The following ARFGEF1 variants were observed in gnomAD, a reference collection of about 807,000 sequenced individuals.
The protein encoded by ARFGEF1 is ARF guanine nucleotide exchange factor 1, also known as brefeldin A-inhibited guanine nucleotide-exchange protein 1.
A neutral mutation model predicts 231.0 loss-of-function variants in ARFGEF1; 42 were observed. That is an observed-to-expected ratio of 0.18 (90% confidence interval 0.14 to 0.24). The LOEUF (loss-of-function observed/expected upper bound fraction) is 0.24, where lower values mean the gene tolerates loss of function less well. Among genes scored for constraint, ARFGEF1 ranks in the 10% least tolerant of loss-of-function variants. ARFGEF1 has a pLI of 1.00. For missense variants in ARFGEF1, 1,345 were observed against 2,192.0 expected, an observed-to-expected ratio of 0.61 and a Z score of 7.72; for synonymous variants, 710 against 732.3, an observed-to-expected ratio of 0.97 and a Z score of 0.49.
intron 1 of ARFGEF1, among the ~76,000 whole-genome samples, chr8:67,336,390 A>T (rs937693710): frequency 2.6e-5 from 4 of 152,202 alleles, no homozygotes; most frequent in Non-Finnish European, 5.9e-5. Context: ...GTTAGGATAA[A>T]AGGGAACTTG....
intron 22 of ARFGEF1, among the ~76,000 whole-genome samples, chr8:67,237,756 G>C (rs980434490): frequency 1.3e-5 from 2 of 152,120 alleles, no homozygotes; most frequent in African/African-American, 4.8e-5. Flanking sequence ...AAATACAGAA[G>C]AATTCAAACC....
intron 7 of ARFGEF1, among the ~76,000 whole-genome samples, chr8:67,287,088 G>C (rs1329133323): frequency 5.3e-5 from 8 of 152,142 alleles, no homozygotes; most frequent in Admixed American, 3.9e-4. Context: ...CCTTAGAAAG[G>C]CCTACTTGCA....
At chr8:67,221,175 CAATT>C (rs1363605730) in intron 29 of ARFGEF1, among the ~76,000 whole-genome samples, 4 of 152,146 alleles carry the variant, frequency 2.6e-5, no homozygotes, top group African/African-American at 7.2e-5. Context: ...ATTATGTTAA[CAATT>C]AATGTATTTA....
chr8:67,291,556 C>T (rs1563893520), intron 6 of ARFGEF1, among the ~76,000 whole-genome samples: 1 of 151,960 alleles, frequency 6.6e-6, no homozygotes, highest in Admixed American at 6.6e-5. Context: ...TCCTATATAA[C>T]ATTTAACGGA....
At chr8:67,335,413 C>A (rs1808299832) in intron 1 of ARFGEF1, among the ~76,000 whole-genome samples, 2 of 151,902 alleles carry the variant, frequency 1.3e-5, no homozygotes, top group Non-Finnish European at 1.5e-5. Context: ...CCCCGTATCA[C>A]AGTAAATTTT....
At chr8:67,254,277 T>C (rs1316853690) in intron 17 of ARFGEF1, among the ~76,000 whole-genome samples, 3 of 152,202 alleles carry the variant, frequency 2.0e-5, no homozygotes, top group African/African-American at 4.8e-5. Context: ...GGAACTAGCA[T>C]AGCCAAAATG....
Position 67,267,370 on chromosome 8 carries a change from T to C in ARFGEF1, c.1645A>G (p.Ile549Val), listed in dbSNP as rs1804891289. The C allele has an allele frequency of 6.2e-7, 1 of 1,611,426 alleles. No homozygotes were observed. Among genetic ancestry groups the C allele is most frequent in the Non-Finnish European group, 8.5e-7 (1 of 1,179,038 alleles). ...GCACAAATCCTCGTCAGTGTCTGAATAACCATCCATTTGTGATCAAATGAG... is the reference window on the plus strand; with the variant it reads ...GCACAAATCCTCGTCAGTGTCTGAACAACCATCCATTTGTGATCAAATGAG... ...TSSFDHKWMV[I>V]QTLTRICADA... The change falls in exon 11 of 39, where the codon ATT (isoleucine) becomes GTT (valine). Residue 549 changes from isoleucine to valine, a missense_variant. This residue lies in a region of ARFGEF1 where 141 missense variants were observed against 259.9 expected (regional missense o/e 0.54). Transcript: ENST00000262215.
Position 67,200,511 on chromosome 8 carries a change from A to G in ARFGEF1, c.5270T>C (p.Val1757Ala), listed in dbSNP as rs1838288719. The G allele has an allele frequency of 6.4e-7, 1 of 1,565,264 alleles. No individual in the cohort carries two copies. Among genetic ancestry groups the G allele is most frequent in the Admixed American group, 1.7e-5 (1 of 59,560 alleles). The stretch of plus-strand genomic sequence containing the variant: ...GAAGTAACTTAGTGCTTCACTGCAG[A>G]CACTGCAAAAGAAAAGGTTTCCTTT... ...WEEVQQRLLN[V>A]CSEALSYFLT... Residue 1757 changes from valine (V) to alanine (A), a missense_variant and splice_region_variant, in exon 38 of 39, where the codon GTC (valine) becomes GCC (alanine). This residue lies in a region of ARFGEF1 where 161 missense variants were observed against 284.9 expected (regional missense o/e 0.57). Transcript: ENST00000262215.
At chr8:67,201,661 G>T in intron 36 of ARFGEF1, 56 bp from the exon 37 acceptor site, 1 of 1,605,460 alleles carries the variant, frequency 6.2e-7, no homozygotes, top group Non-Finnish European at 8.5e-7. Flanking sequence ...ATGTAAAGGT[G>T]AAACAGCCCG....
chr8:67,257,768 T>C lies in ARFGEF1; in HGVS notation c.2490A>G (p.Ser830=). The C allele has an allele frequency of 6.2e-7, 1 of 1,609,912 alleles. No homozygotes were observed. Reference sequence around the variant, plus strand: ...GAAGGTCTGTGGTCAACATGATAATTGAATAAGCCAAAACATAAGCTGTAT... The same window carrying C: ...GAAGGTCTGTGGTCAACATGATAATCGAATAAGCCAAAACATAAGCTGTAT... The part of the protein sequence containing the change: ...SADTAYVLAY[S]IIMLTTDLHS... Residue 830 remains serine, a synonymous_variant, in exon 17 of 39, where the codon TCA becomes TCG. Coordinates refer to ENST00000262215, the MANE Select transcript of ARFGEF1 (RefSeq NM_006421.5).
At chr8:67,320,499 C>T (rs1262627179) in intron 1 of ARFGEF1, among the ~76,000 whole-genome samples, 4 of 152,144 alleles carry the variant, frequency 2.6e-5, no homozygotes, top group Non-Finnish European at 2.9e-5. Flanking sequence ...CAGTCCCACT[C>T]CTGGGTATCT....
At chr8:67,272,060 A>T in intron 9 of ARFGEF1, 124 bp from the exon 10 acceptor site, 2 of 642,876 alleles carry the variant, frequency 3.1e-6, no homozygotes, top group Non-Finnish European at 5.3e-6. Flanking sequence ...AATGGAGAGG[A>T]AGAGAAAATT....
chr8:67,296,260 TA>T lies in ARFGEF1; in HGVS notation c.639+170del, dbSNP rs201184011. Among the ~76,000 whole-genome samples the T allele has an allele frequency of 5.9e-3, 896 of 152,296 alleles. 9 individuals are homozygous for T. The highest frequency in any genetic ancestry group is 0.02 in the African/African-American group (837 of 41,574). ...TGTCCAAAGTTAAGTCGGTAAACCT[TA>T]AAACAAAACAAAATAAAACACAATC... On this transcript the variant is annotated intron_variant, in intron 5 of 38. Coordinates refer to ENST00000262215, the MANE Select transcript of ARFGEF1 (RefSeq NM_006421.5).
At chr8:67,321,403 A>G (rs1807585391) in intron 1 of ARFGEF1, among the ~76,000 whole-genome samples, 2 of 152,152 alleles carry the variant, frequency 1.3e-5, no homozygotes, top group African/African-American at 4.8e-5. Context: ...AAGAAGCTCC[A>G]CGGGTGATCT....
chr8:67,295,202 T>A (rs1806178852), intron 5 of ARFGEF1, among the ~76,000 whole-genome samples: 1 of 152,064 alleles, frequency 6.6e-6, no homozygotes, highest in Admixed American at 6.6e-5. Context: ...CCACAATAAT[T>A]AACTGTTGCC....
chr8:67,198,134 C>T lies in ARFGEF1; in HGVS notation c.*800G>A. The T allele has an allele frequency of 1.0e-6, 1 of 985,796 alleles. No individual in the cohort carries two copies. The highest frequency in any genetic ancestry group is 4.7e-5 in the South Asian group (1 of 21,288). The allele number at this position is 985,796 out of a possible 1,614,324, so 61.1% of individuals were successfully genotyped here. A position where few individuals can be genotyped will look rare whatever the true frequency, so the allele number is the denominator to read the frequency against. The stretch of plus-strand genomic sequence containing the variant: ...GAAATATGTGACAGGTAGTTACTGT[C>T]AGTAGGGATATTTTCTACCTTTTTT... On this transcript the variant is annotated 3_prime_UTR_variant, in exon 39 of 39. Transcript: ENST00000262215.
intron 23 of ARFGEF1, among the ~76,000 whole-genome samples, chr8:67,228,478 C>T (rs1409689263): frequency 6.6e-6 from 1 of 151,858 alleles, no homozygotes; most frequent in East Asian, 1.9e-4. Context: ...AACCAGTTTA[C>T]ATTCAATATT....
downstream of ARFGEF1, chr8:67,175,246 C>T: frequency 1.4e-6 from 2 of 1,419,236 alleles, no homozygotes; most frequent in South Asian, 1.3e-5. Flanking sequence ...TACAAAATCC[C>T]ATTTGAAAAC....
At chr8:67,332,911 G>C (rs1808166038) in intron 1 of ARFGEF1, among the ~76,000 whole-genome samples, 1 of 152,036 alleles carries the variant, frequency 6.6e-6, no homozygotes, top group Non-Finnish European at 1.5e-5. Flanking sequence ...AAGCATATAG[G>C]GTTGTTCTGA....
Sources: gnomAD v4.1 joint callset for allele counts (sites outside exome capture counted in the v4.1 genomes callset) on GRCh38, gnomAD v4.1.1 for gene constraint, gnomAD v4.1.1 regional missense constraint, MANE v1.5 for transcripts, NCBI Gene and HGNC (gene_info 2026-07-23, HGNC 2026-07-21) for gene names.